The following HIVEP2 variants were observed in gnomAD, a reference collection of about 807,000 sequenced individuals.
The protein encoded by HIVEP2 is HIVEP zinc finger 2.
A neutral mutation model predicts 180.7 loss-of-function variants in HIVEP2; 14 were observed. The ratio of observed to expected loss-of-function variants is 0.08; its 90% CI spans 0.05 to 0.12. HIVEP2 has a LOEUF of 0.12. HIVEP2 is among the 10% of genes least tolerant of loss of function. The pLI is 1.00. For synonymous variants in HIVEP2, 1,184 were observed against 1,136.4 expected (o/e 1.04, Z -0.84); for missense variants, 2,579 against 3,008.5 (o/e 0.86, Z 3.34).
chr6:142,760,463 C>T lies in HIVEP2; in HGVS notation c.5825G>A (p.Arg1942Lys). ...RSRSTSPQPP[R>K]FSSLPVNVGA... Reference sequence around the variant, plus strand: ...AACATTCACAGGCAAGGAGGAGAATCTAGGAGGCTGAGGACTGGTGCTTCT... The same window carrying T: ...AACATTCACAGGCAAGGAGGAGAATTTAGGAGGCTGAGGACTGGTGCTTCT... Residue 1942 changes from arginine (R) to lysine (K), a missense_variant, in exon 9 of 10, where the codon AGA (arginine) becomes AAA (lysine). By Grantham distance (26) the Arg-to-Lys change is conservative (BLOSUM62 2). This residue lies in a region of HIVEP2 where 660 missense variants were observed against 731.7 expected (regional missense o/e 0.90). Transcript: ENST00000367603. The T allele has an allele frequency of 6.2e-7, 1 of 1,614,142 alleles. No homozygotes were observed. Among genetic ancestry groups the T allele is most frequent in the Non-Finnish European group, 8.5e-7 (1 of 1,180,012 alleles).
intron 1 of HIVEP2, among the ~76,000 whole-genome samples, chr6:142,866,037 C>A (rs1396170873): frequency 6.6e-6 from 1 of 152,126 alleles, no homozygotes; most frequent in Non-Finnish European, 1.5e-5. Flanking sequence ...TTGAGTTCCT[C>A]ATTTGTAAAA....
chr6:142,881,760 G>A (rs141495474), intron 1 of HIVEP2, among the ~76,000 whole-genome samples: 1 of 152,252 alleles, frequency 6.6e-6, no homozygotes, highest in East Asian at 1.9e-4. Context: ...CCTCCTCAGA[G>A]ATCTGTGTCT....
intron 1 of HIVEP2, among the ~76,000 whole-genome samples, chr6:142,837,735 C>T (rs954809149): frequency 2.0e-5 from 3 of 152,040 alleles, no homozygotes; most frequent in African/African-American, 7.2e-5. Context: ...AAATTACTAT[C>T]TCAGCTCTAA....
At chr6:142,776,765 T>C (rs1187577274) in intron 3 of HIVEP2, among the ~76,000 whole-genome samples, 2 of 152,192 alleles carry the variant, frequency 1.3e-5, no homozygotes, top group African/African-American at 4.8e-5. Flanking sequence ...ACTCCTGGGC[T>C]CAAGCAATCT....
intron 3 of HIVEP2, 144 bp downstream of exon 3, chr6:142,783,377 T>TACAACAAAAC (rs1775907442): frequency 1.2e-5 from 1 of 82,204 alleles, no homozygotes; most frequent in Non-Finnish European, 2.6e-5. Flanking sequence ...AAAAACAAAA[T>TACAACAAAAC]ACAACAAAAC....
intron 2 of HIVEP2, among the ~76,000 whole-genome samples, chr6:142,802,620 T>C (rs918030454): frequency 3.3e-5 from 5 of 152,062 alleles, no homozygotes; most frequent in Non-Finnish European, 5.9e-5. Flanking sequence ...ATTCCTAATA[T>C]ATGCAAACCC....
chr6:142,940,419 T>C (rs375660190), intron 1 of HIVEP2, among the ~76,000 whole-genome samples: 1 of 152,384 alleles, frequency 6.6e-6, no homozygotes, highest in African/African-American at 2.4e-5. Flanking sequence ...ACAGGCGTTA[T>C]GCACAAGGTT....
At chr6:142,795,905 T>C (rs950155103) in intron 2 of HIVEP2, among the ~76,000 whole-genome samples, 3 of 152,086 alleles carry the variant, frequency 2.0e-5, no homozygotes, top group African/African-American at 7.2e-5. Context: ...TAAGATCCCA[T>C]CTGCCATGGA....
intron 1 of HIVEP2, among the ~76,000 whole-genome samples, chr6:142,840,689 G>A (rs906719619): frequency 3.3e-5 from 5 of 151,804 alleles, no homozygotes; most frequent in African/African-American, 9.7e-5. Context: ...TCCTATATGT[G>A]GCAACATTTC....
intron 3 of HIVEP2, among the ~76,000 whole-genome samples, chr6:142,782,468 C>T (rs1344375351): frequency 6.6e-6 from 1 of 152,114 alleles, no homozygotes; most frequent in East Asian, 1.9e-4. Flanking sequence ...TGATGAGTGC[C>T]AGAGTCCAGC....
intron 1 of HIVEP2, among the ~76,000 whole-genome samples, chr6:142,863,384 TA>T (rs1448764246): frequency 6.6e-6 from 1 of 151,990 alleles, no homozygotes; most frequent in African/African-American, 2.4e-5. Context: ...AGACTGTTTT[TA>T]TTTCAAAATC....
chr6:142,829,684 T>C (rs967717684), intron 2 of HIVEP2, among the ~76,000 whole-genome samples: 3 of 152,232 alleles, frequency 2.0e-5, no homozygotes, highest in African/African-American at 4.8e-5. Flanking sequence ...TAAATATTCA[T>C]TGAGTTTAAA....
At chr6:142,918,805 C>A (rs926917476) in intron 1 of HIVEP2, among the ~76,000 whole-genome samples, 2 of 152,088 alleles carry the variant, frequency 1.3e-5, no homozygotes, top group South Asian at 4.1e-4. Flanking sequence ...AATGTAAAAA[C>A]AAACACAGGT....
At chr6:142,826,212 G>A (rs79305945) in intron 2 of HIVEP2, among the ~76,000 whole-genome samples, 2,863 of 152,150 alleles carry the variant, frequency 0.019, 115 homozygotes, top group African/African-American at 0.065. Flanking sequence ...AGAAATTTCC[G>A]CTATGTGTAT....
In HIVEP2 at chr6:142,760,469, G is replaced by A. The variant is rs780311968; in HGVS notation, c.5819C>T (p.Pro1940Leu). 6.2e-7 allele frequency: 1 copy of A among 1,614,166 alleles called. No individual in the cohort carries two copies. The highest frequency in any genetic ancestry group is 1.3e-5 in the African/African-American group (1 of 75,034). ...CACAGGCAAGGAGGAGAATCTAGGAGGCTGAGGACTGGTGCTTCTTGATCT... is the reference window on the plus strand; with the variant it reads ...CACAGGCAAGGAGGAGAATCTAGGAAGCTGAGGACTGGTGCTTCTTGATCT... ...KTRSRSTSPQ[P>L]PRFSSLPVNV... Residue 1940 changes from proline (P) to leucine (L), a missense_variant, in exon 9 of 10, where the codon CCT (proline) becomes CTT (leucine). Coordinates refer to ENST00000367603, the MANE Select transcript of HIVEP2 (RefSeq NM_006734.4).
chr6:142,799,333 C>T (rs903776021), intron 2 of HIVEP2, among the ~76,000 whole-genome samples: 1 of 152,084 alleles, frequency 6.6e-6, no homozygotes, highest in African/African-American at 2.4e-5. Context: ...AAACAACATT[C>T]TCGTCCTAAG....
chr6:142,925,257 T>C (rs1777778650), intron 1 of HIVEP2, among the ~76,000 whole-genome samples: 1 of 152,242 alleles, frequency 6.6e-6, no homozygotes, highest in Non-Finnish European at 1.5e-5. Context: ...TATGAAACTT[T>C]GTCACTCACA....
chr6:142,759,685 G>C (rs1775171036), intron 9 of HIVEP2, 87 bp downstream of exon 9: 1 of 1,024,040 alleles, frequency 9.8e-7, no homozygotes, highest in Non-Finnish European at 1.5e-6. Context: ...AGATACCCAT[G>C]TTCTACTAAA....
At chr6:142,787,740 G>GA (rs1283975975) in intron 2 of HIVEP2, among the ~76,000 whole-genome samples, 2 of 152,014 alleles carry the variant, frequency 1.3e-5, no homozygotes, top group Non-Finnish European at 2.9e-5. Flanking sequence ...TAGATCTTCA[G>GA]AAATATTTTT....
Sources: allele counts gnomAD v4.1 joint callset (sites outside exome capture counted in the v4.1 genomes callset), GRCh38; gene constraint gnomAD v4.1.1; regional missense constraint gnomAD v4.1.1; transcripts MANE v1.5; gene names NCBI Gene and HGNC (gene_info 2026-07-23, HGNC 2026-07-21).